FAAH: variants seen among roughly 807,000 people sequenced by gnomAD.
FAAH encodes fatty acid amide hydrolase.
FAAH carries 63 observed loss-of-function variants against 69.7 expected under a neutral mutation model. That is an observed-to-expected ratio of 0.90 (90% confidence interval 0.74 to 1.12). The LOEUF is 1.12. Among genes scored for constraint, FAAH ranks in the 50% most tolerant of loss-of-function variants. FAAH has a pLI of 0.00. For synonymous variants in FAAH, 305 were observed against 324.2 expected (o/e 0.94, Z 0.64); for missense variants, 680 against 755.0 (o/e 0.90, Z 1.16).
chr1:46,405,600 T>G lies in FAAH; in HGVS notation c.591T>G (p.Ser197Arg). The G allele has an allele frequency of 6.2e-7, 1 of 1,613,500 alleles. No homozygotes were observed. The highest frequency in any genetic ancestry group is 8.5e-7 in the Non-Finnish European group (1 of 1,180,044). Residue 197 changes from serine (S) to arginine (R), a missense_variant, in exon 5 of 15, where the codon AGT becomes AGG. Coordinates refer to ENST00000243167, the MANE Select transcript of FAAH (RefSeq NM_001441.3). The surrounding 1 kb of genome is among the most constrained non-coding windows in gnomAD (Gnocchi z 4.1). ...VPQSMFSYDCSNPLFGQTVNP... is the reference protein window; with the variant it reads ...VPQSMFSYDCRNPLFGQTVNP... ...TTGGCTCCTCCAGCTATGACTGCAG[T>G]AACCCCCTCTTTGGCCAGACCGTGA...
intron 2 of FAAH, among the ~76,000 whole-genome samples, chr1:46,402,836 G>T (rs556393514): frequency 6.6e-6 from 1 of 150,978 alleles, no homozygotes; most frequent in Non-Finnish European, 1.5e-5. Flanking sequence ...GGGAGTACAG[G>T]CACCTGCTAA....
chr1:46,411,548 T>C lies in FAAH; in HGVS notation c.1317-64T>C, dbSNP rs1339071824. The C allele has an allele frequency of 6.4e-7, 1 of 1,568,034 alleles. No homozygotes were observed. The highest frequency in any genetic ancestry group is 1.4e-5 in the African/African-American group (1 of 73,764). ...AGATCTAGAGGGTTGGCAGTAGGGG[T>C]CTGATGTTGCTGATCTCCGTGGCTG... On this transcript the variant is annotated intron_variant, in intron 11 of 14. Coordinates refer to ENST00000243167, the MANE Select transcript of FAAH (RefSeq NM_001441.3). This position sits in a 1 kb window ranked among gnomAD's most constrained non-coding sequence, Gnocchi z 4.8.
At chr1:46,396,572 C>G (rs758116847) in intron 1 of FAAH, among the ~76,000 whole-genome samples, 1 of 152,056 alleles carries the variant, frequency 6.6e-6, no homozygotes, top group Non-Finnish European at 1.5e-5. Context: ...CATTGTGCCC[C>G]TGGGTACTCA....
chr1:46,410,820 AGGCTGTC>A lies in FAAH; in HGVS notation c.1283_1289del (p.Arg428LysfsTer7). The A allele has an allele frequency of 6.2e-7, 1 of 1,614,114 alleles. No individual in the cohort carries two copies. The highest frequency in any genetic ancestry group is 8.5e-7 in the Non-Finnish European group (1 of 1,180,018). On this transcript the variant is annotated frameshift_variant, in exon 11 of 15. Transcript: ENST00000243167. LOFTEE classifies it high-confidence loss of function. This position sits in a 1 kb window ranked among gnomAD's most constrained non-coding sequence, Gnocchi z 4.9. The stretch of plus-strand genomic sequence containing the variant: ...CTGCGTCTGTCCTGTGCAGCTGCCA[AGGCTGTC>A]AGCTTTCCTCAGCAACATGAAGTCT...
Position 46,406,055 on chromosome 1 carries a change from GC to G in FAAH, c.804del (p.Cys269ValfsTer74). The G allele has an allele frequency of 6.2e-7, 1 of 1,614,214 alleles. No individual in the cohort carries two copies. On this transcript the variant is annotated frameshift_variant, in exon 6 of 15. Coordinates refer to ENST00000243167, the MANE Select transcript of FAAH (RefSeq NM_001441.3). LOFTEE classifies it high-confidence loss of function. The stretch of plus-strand genomic sequence containing the variant: ...TTATCCAGCAAGAGTGGCCTGAAGG[GC>G]TGTGTCTATGGACAGGAGGCAGGTG... ...GNRLSKSGLK[G>X]CVYGQEAVRL... is the part of the protein sequence containing the mutation.
Position 46,408,347 on chromosome 1 carries a change from G to A in FAAH, c.952-112G>A, listed in dbSNP as rs889226311. On this transcript the variant is annotated intron_variant, in intron 7 of 14. Transcript: ENST00000243167. ...AGATGCAGAAGGGGCTGGCCTCGCT[G>A]ACTGCAGCCTCGCAGCTGTGTCTGG... 6 of 1,457,782 alleles carry A rather than the reference G, an allele frequency of 4.1e-6. No homozygotes were observed. In the Admixed American group the frequency reaches 1.0e-4, roughly 24 times the overall value. The allele number at this position is 1,457,782 out of a possible 1,614,324, so 90.3% of individuals were successfully genotyped here.
Position 46,394,473 on chromosome 1 carries a change from T to A in FAAH, c.125T>A (p.Val42Asp). The A allele has an allele frequency of 7.2e-7, 1 of 1,386,130 alleles. No homozygotes were observed. The highest frequency in any genetic ancestry group is 9.3e-7 in the Non-Finnish European group (1 of 1,076,686). The allele number at this position is 1,386,130 out of a possible 1,614,324, so 85.9% of individuals were successfully genotyped here. A position where few individuals can be genotyped will look rare whatever the true frequency, so the allele number is the denominator to read the frequency against. Residue 42 changes from valine (V) to aspartate (D), a missense_variant, in exon 1 of 15, where the codon GTC (valine) becomes GAC (aspartate). Coordinates refer to ENST00000243167, the MANE Select transcript of FAAH (RefSeq NM_001441.3). ...CGCCGGACGGCGCGGGGCGCGGTGG[T>A]CCGGGCGCGACAGAGGCAGCGAGCG... ...SGRRTARGAVVRARQRQRAGL... is the reference protein window; with the variant it reads ...SGRRTARGAVDRARQRQRAGL...
rs776347356 is a variant in FAAH at position 46,410,885 on chromosome 1, C to T, written c.1316+31C>T. 5 of 1,613,856 alleles carry T rather than the reference C, an allele frequency of 3.1e-6. No homozygotes were observed. Among genetic ancestry groups the T allele is most frequent in the Non-Finnish European group, 4.2e-6 (5 of 1,179,762 alleles). On this transcript the variant is annotated intron_variant, in intron 11 of 14. Transcript: ENST00000243167. This position sits in a 1 kb window ranked among gnomAD's most constrained non-coding sequence, Gnocchi z 4.9. ...GGTTCTTCTGTGTCTAGCTGCCGGC[C>T]CCTGCCTGTCCTGATCCGAGTCTGG...
intron 7 of FAAH, 107 bp from the exon 8 acceptor site, chr1:46,408,352 C>T (rs1459978168): frequency 6.7e-7 from 1 of 1,499,524 alleles, no homozygotes; most frequent in South Asian, 1.1e-5. Flanking sequence ...TCGCTGACTG[C>T]AGCCTCGCAG....
At position 46,402,520 on chromosome 1, in the gene FAAH, C is replaced by CT. The variant is rs202035068; in HGVS notation, c.309+325dup. On this transcript the variant is annotated intron_variant, in intron 2 of 14. Transcript: ENST00000243167. ...GGCAACAAGTCTGGTCTGTTCCCTT[C>CT]TTTTTTTTTGAGATGGAGTTTCGCT... 8.8e-3 allele frequency among the ~76,000 whole-genome samples: 1,340 copies of CT among 151,554 alleles called. 20 individuals carry two copies. Among genetic ancestry groups the CT allele is most frequent in the Middle Eastern group, 0.041 (12 of 294 alleles).
Position 46,411,716 on chromosome 1 carries a change from C to A in FAAH, c.1356+65C>A. On this transcript the variant is annotated intron_variant, in intron 12 of 14. Transcript: ENST00000243167. This position sits in a 1 kb window ranked among gnomAD's most constrained non-coding sequence, Gnocchi z 4.8. ...GGAGGGTGGAGTTGGACAGGGTACC[C>A]GCTAGCAGTGTCTCGTGGCCACTGC... The A allele has an allele frequency of 1.9e-6, 3 of 1,581,668 alleles. No individual in the cohort carries two copies. Among genetic ancestry groups the A allele is most frequent in the East Asian group, 2.3e-5 (1 of 44,100 alleles).
Position 46,405,763 on chromosome 1 carries a change from T to G in FAAH, c.754T>G (p.Cys252Gly). ...IRFPSSFCGICGLKPTGNRLS... is the reference protein window; with the variant it reads ...IRFPSSFCGIGGLKPTGNRLS... The stretch of plus-strand genomic sequence containing the variant: ...CTTCCCCTCCTCCTTCTGCGGCATC[T>G]GCGGCCTCAAGCCCACAGGGAACCG... The change falls in exon 5 of 15, where the codon TGC becomes GGC. Residue 252 changes from cysteine to glycine, a missense_variant. Cys to Gly is a radical substitution (Grantham distance 159). Transcript: ENST00000243167. This position sits in a 1 kb window ranked among gnomAD's most constrained non-coding sequence, Gnocchi z 4.1. 2 of 1,613,480 alleles carry G rather than the reference T, an allele frequency of 1.2e-6. No homozygotes were observed. Among genetic ancestry groups the G allele is most frequent in the East Asian group, 4.5e-5 (2 of 44,888 alleles).
chr1:46,404,383 C>A lies in FAAH; in HGVS notation c.310-631C>A, dbSNP rs147168254. 7.2e-5 allele frequency among the ~76,000 whole-genome samples: 11 copies of A among 152,296 alleles called. No homozygotes were observed. The East Asian group carries it at 1.9e-3, about 27-fold the overall frequency. On this transcript the variant is annotated intron_variant, in intron 2 of 14. Coordinates refer to ENST00000243167, the MANE Select transcript of FAAH (RefSeq NM_001441.3). The surrounding 1 kb of genome is among the most constrained non-coding windows in gnomAD (Gnocchi z 4.5). The stretch of plus-strand genomic sequence containing the variant: ...GCCCTCACCTTTCCTTCTGTAGGAC[C>A]CTGTGTGGTGAGGTTTGAGCATTCT...
At chr1:46,412,387 G>T in intron 13 of FAAH, 136 bp downstream of exon 13, 1 of 733,864 alleles carries the variant, frequency 1.4e-6, no homozygotes. Flanking sequence ...TGGAGACATG[G>T]CAGTCATGTG....
rs201487686 is a variant in FAAH, at chr1:46,397,937, TTTTTTTTTTTTTTTGAGATG to T, written c.195+3395_195+3414del. Among the ~76,000 whole-genome samples the T allele has an allele frequency of 0.031, 4,586 of 149,762 alleles. 412 individuals are homozygous for T. In the East Asian group the frequency reaches 0.31, roughly 10 times the overall value. ...GGCCAGGCTAGTCTTGAACTCTTTT[TTTTTTTTTTTTTTTGAGATG>T]AAGTCTCACTTTGTTGCCCCAGCTG... On this transcript the variant is annotated intron_variant, in intron 1 of 14. Coordinates refer to ENST00000243167, the MANE Select transcript of FAAH (RefSeq NM_001441.3).
At chr1:46,401,535 C>A (rs1664703742) in intron 1 of FAAH, among the ~76,000 whole-genome samples, 1 of 152,120 alleles carries the variant, frequency 6.6e-6, no homozygotes, top group Admixed American at 6.5e-5. Context: ...AGGTTGGCAA[C>A]CCCCTGAGTA....
chr1:46,396,476 C>CCGT (rs1316394414), intron 1 of FAAH, among the ~76,000 whole-genome samples: 1 of 152,228 alleles, frequency 6.6e-6, no homozygotes, highest in East Asian at 1.9e-4. Context: ...TCCCACAAGG[C>CCGT]CGTATCTCAG....
Position 46,406,052 on chromosome 1 carries a change from A to G in FAAH, c.800A>G (p.Lys267Arg), listed in dbSNP as rs1664788392. Residue 267 changes from lysine to arginine, a missense_variant, in exon 6 of 15, where the codon AAG becomes AGG. By Grantham distance (26) the Lys-to-Arg change is conservative (BLOSUM62 2). Coordinates refer to ENST00000243167, the MANE Select transcript of FAAH (RefSeq NM_001441.3). ...TTCTTATCCAGCAAGAGTGGCCTGAAGGGCTGTGTCTATGGACAGGAGGCA... is the reference window on the plus strand; with the variant it reads ...TTCTTATCCAGCAAGAGTGGCCTGAGGGGCTGTGTCTATGGACAGGAGGCA... The part of the protein sequence containing the change: ...TGNRLSKSGL[K>R]GCVYGQEAVR... 2 of 1,614,176 alleles carry G rather than the reference A, an allele frequency of 1.2e-6. No homozygotes were observed. The highest frequency in any genetic ancestry group is 1.7e-6 in the Non-Finnish European group (2 of 1,180,036).
rs769504896 is a variant in FAAH, at chr1:46,405,701, C to G, written c.692C>G (p.Pro231Arg). 1.9e-6 allele frequency: 3 copies of G among 1,613,586 alleles called. No homozygotes were observed. The highest frequency in any genetic ancestry group is 2.5e-6 in the Non-Finnish European group (3 of 1,180,040). ...EGALIGSGGS[P>R]LGLGTDIGGS... ...GCCCTCATCGGGTCTGGAGGCTCCC[C>G]CCTGGGCTTAGGCACTGATATCGGA... Residue 231 changes from proline (P) to arginine (R), a missense_variant, in exon 5 of 15, where the codon CCC becomes CGC. Physicochemically the swap from Pro to Arg is moderately radical, Grantham distance 103. Coordinates refer to ENST00000243167, the MANE Select transcript of FAAH (RefSeq NM_001441.3). This position sits in a 1 kb window ranked among gnomAD's most constrained non-coding sequence, Gnocchi z 4.1.
Sources: allele counts gnomAD v4.1 joint callset (sites outside exome capture counted in the v4.1 genomes callset), GRCh38; gene constraint gnomAD v4.1.1; non-coding constraint Gnocchi (gnomAD v3.1); transcripts MANE v1.5; gene names NCBI Gene and HGNC (gene_info 2026-07-23, HGNC 2026-07-21).